The following EXOC6B variants were observed in gnomAD, a reference collection of about 807,000 sequenced individuals.
EXOC6B encodes exocyst complex component 6B.
In EXOC6B, 54 loss-of-function variants were observed where a neutral mutation model predicts 113.5. The ratio of observed to expected loss-of-function variants is 0.48; its 90% CI spans 0.38 to 0.60. The LOEUF (loss-of-function observed/expected upper bound fraction) is 0.60, where lower values mean the gene tolerates loss of function less well. EXOC6B is among the 20% of genes least tolerant of loss of function. The pLI is 0.00. For missense variants in EXOC6B, 797 were observed against 977.5 expected (o/e 0.82, Z 2.46); for synonymous variants, 357 against 339.0 (o/e 1.05, Z -0.58).
chr2:72,648,597 C>T (rs1048011889), intron 6 of EXOC6B, among the ~76,000 whole-genome samples: 1 of 151,924 alleles, frequency 6.6e-6, no homozygotes, highest in Non-Finnish European at 1.5e-5. Flanking sequence ...ATACTATGCA[C>T]TCCCATGTTA....
intron 18 of EXOC6B, among the ~76,000 whole-genome samples, chr2:72,404,815 A>G (rs1189280450): frequency 6.6e-6 from 1 of 152,206 alleles, no homozygotes; most frequent in East Asian, 1.9e-4. Context: ...CCTCCTCCAA[A>G]GCAACGCAGC....
intron 15 of EXOC6B, among the ~76,000 whole-genome samples, chr2:72,493,311 T>C (rs1441577266): frequency 1.8e-5 from 1 of 54,340 alleles, no homozygotes. Context: ...GTACCTTCTC[T>C]GTTTTTCTCC....
chr2:72,409,706 G>A (rs559647321), intron 18 of EXOC6B, among the ~76,000 whole-genome samples: 34 of 149,900 alleles, frequency 2.3e-4, no homozygotes, highest in Non-Finnish European at 3.6e-4. Context: ...ATCACACACC[G>A]GGGCCTGCTG....
intron 6 of EXOC6B, among the ~76,000 whole-genome samples, chr2:72,683,630 A>G (rs1368989401): frequency 7.2e-5 from 11 of 152,144 alleles, no homozygotes; most frequent in South Asian, 2.1e-4. Context: ...GTTCATATAC[A>G]CCTTTATATA....
At chr2:72,365,531 A>C (rs920982061) in intron 19 of EXOC6B, among the ~76,000 whole-genome samples, 8 of 152,200 alleles carry the variant, frequency 5.3e-5, no homozygotes, top group Non-Finnish European at 1.0e-4. Flanking sequence ...GAGAGAACTG[A>C]AACAGAACAT....
At chr2:72,332,894 G>C (rs1224330779) in intron 20 of EXOC6B, among the ~76,000 whole-genome samples, 1 of 152,100 alleles carries the variant, frequency 6.6e-6, no homozygotes, top group Non-Finnish European at 1.5e-5. Context: ...ACTGCAAAGA[G>C]AGAAATATTT....
At chr2:72,448,723 A>C (rs1019344504) in intron 18 of EXOC6B, among the ~76,000 whole-genome samples, 6 of 152,202 alleles carry the variant, frequency 3.9e-5, no homozygotes, top group Non-Finnish European at 8.8e-5. Context: ...TGGTTAAATC[A>C]ATAATATCTT....
intron 8 of EXOC6B, among the ~76,000 whole-genome samples, chr2:72,552,326 C>T (rs894423115): frequency 8.6e-5 from 13 of 152,038 alleles, no homozygotes; most frequent in African/African-American, 2.7e-4. Flanking sequence ...TCCAAACATA[C>T]GATTGAAGAG....
intron 18 of EXOC6B, among the ~76,000 whole-genome samples, chr2:72,436,174 T>C (rs961894616): frequency 6.6e-6 from 1 of 152,234 alleles, no homozygotes; most frequent in African/African-American, 2.4e-5. Context: ...TTTGGCTGGA[T>C]ATGAAATTCT....
intron 20 of EXOC6B, among the ~76,000 whole-genome samples, chr2:72,243,433 G>A (rs1682453335): frequency 6.6e-6 from 1 of 152,188 alleles, no homozygotes; most frequent in Non-Finnish European, 1.5e-5. Context: ...ATGAGTTCAT[G>A]TCCATTGCAG....
chr2:72,823,780 C>CAA (rs780964417), intron 1 of EXOC6B, among the ~76,000 whole-genome samples: 2 of 137,468 alleles, frequency 1.5e-5, no homozygotes, highest in African/African-American at 5.4e-5. Context: ...GACCCTGTCC[C>CAA]AAAAAAAAAA....
intron 1 of EXOC6B, among the ~76,000 whole-genome samples, chr2:72,803,267 A>G (rs10204141): frequency 0.34 from 51,571 of 151,440 alleles, 13,445 homozygotes; most frequent in African/African-American, 0.73. Context: ...AATATAAAAA[A>G]CTTAGTGCTA....
intron 21 of EXOC6B, among the ~76,000 whole-genome samples, chr2:72,181,306 G>A (rs561192657): frequency 3.3e-5 from 5 of 152,082 alleles, no homozygotes; most frequent in South Asian, 2.1e-4. Context: ...TATAAGGTAC[G>A]ACCACCCACA....
At chr2:72,339,658 A>G (rs1477925977) in intron 19 of EXOC6B, among the ~76,000 whole-genome samples, 2 of 152,188 alleles carry the variant, frequency 1.3e-5, no homozygotes, top group Non-Finnish European at 2.9e-5. Context: ...AACTCACAGA[A>G]TCAAAGCTGG....
intron 1 of EXOC6B, among the ~76,000 whole-genome samples, chr2:72,817,479 ATTC>A (rs947094450): frequency 6.6e-5 from 10 of 152,310 alleles, no homozygotes; most frequent in African/African-American, 1.2e-4. Context: ...CAATTTTTTA[ATTC>A]TTCTATTCGT....
chr2:72,820,931 AAGT>A (rs1359405323), intron 1 of EXOC6B, among the ~76,000 whole-genome samples: 1 of 152,092 alleles, frequency 6.6e-6, no homozygotes. Context: ...CATTACGCAA[AAGT>A]TTCCTAAATA....
At chr2:72,517,513 T>C (rs1330730174) in intron 8 of EXOC6B, among the ~76,000 whole-genome samples, 1 of 152,142 alleles carries the variant, frequency 6.6e-6, no homozygotes, top group African/African-American at 2.4e-5. Context: ...CATCCATACA[T>C]TAATGAGGAG....
intron 6 of EXOC6B, among the ~76,000 whole-genome samples, chr2:72,620,514 T>G (rs1292627287): frequency 6.6e-6 from 1 of 151,296 alleles, no homozygotes; most frequent in African/African-American, 2.4e-5. Context: ...AATTTAAATT[T>G]TAAATTTAAA....
chr2:72,550,121 T>C (rs1393726843), intron 8 of EXOC6B, among the ~76,000 whole-genome samples: 2 of 152,030 alleles, frequency 1.3e-5, no homozygotes, highest in Non-Finnish European at 2.9e-5. Context: ...TATTCCTAAA[T>C]CCTTTTTCTT....
Sources: allele counts gnomAD v4.1 joint callset (sites outside exome capture counted in the v4.1 genomes callset), GRCh38; gene constraint gnomAD v4.1.1; transcripts MANE v1.5; gene names NCBI Gene and HGNC (gene_info 2026-07-23, HGNC 2026-07-21).